The following MAPKAPK5 variants were observed in gnomAD, a reference collection of about 807,000 sequenced individuals.
The protein encoded by MAPKAPK5 is MAP kinase-activated protein kinase 5.
In MAPKAPK5, 30 loss-of-function variants were observed where a neutral mutation model predicts 65.1. The ratio of observed to expected loss-of-function variants is 0.46; its 90% CI spans 0.34 to 0.63. MAPKAPK5 has a LOEUF of 0.63. Ranked by LOEUF, MAPKAPK5 falls within the 20% of genes least tolerant of loss-of-function variation. MAPKAPK5 has a pLI of 0.01. For synonymous variants in MAPKAPK5, 179 were observed against 204.6 expected, an observed-to-expected ratio of 0.87 and a Z score of 1.07; for missense variants, 433 against 581.4, an observed-to-expected ratio of 0.74 and a Z score of 2.63.
intron 10 of MAPKAPK5, 94 bp from the exon 11 acceptor site, chr12:111,888,394 T>G (rs1446494840): frequency 1.3e-6 from 2 of 1,506,622 alleles, no homozygotes; most frequent in Non-Finnish European, 1.8e-6. Flanking sequence ...ATTACCTTCT[T>G]AGTACTTTGA....
In MAPKAPK5 at chr12:111,901,651, G is replaced by C. The variant is rs1466232324; in HGVS notation, c.*8590G>C. The stretch of plus-strand genomic sequence containing the variant: ...CCACAGAAGAAAAAGAAGAGAAGGA[G>C]GAAGAAAAAGAAGAGGAGGAGGAGG... On this transcript the variant is annotated 3_prime_UTR_variant, in exon 14 of 14. Transcript: ENST00000550735. The C allele has an allele frequency of 8.5e-6, 2 of 235,708 alleles. No individual in the cohort carries two copies. The highest frequency in any genetic ancestry group is 4.7e-5 in the African/African-American group (2 of 42,682). 14.6% of individuals were successfully genotyped at this position (235,708 alleles called of 1,614,324 possible). A position where few individuals can be genotyped will look rare whatever the true frequency, so the allele number is the denominator to read the frequency against.
chr12:111,886,648 C>T (rs746884401), intron 10 of MAPKAPK5, among the ~76,000 whole-genome samples: 8 of 152,196 alleles, frequency 5.3e-5, no homozygotes, highest in Admixed American at 6.5e-5. Flanking sequence ...AATACATCAT[C>T]GGGAAAAATA....
chr12:111,901,132 A>ATG lies in MAPKAPK5; in HGVS notation c.*8072_*8073dup, dbSNP rs1415977049. 3 of 456,108 alleles carry ATG rather than the reference A, an allele frequency of 6.6e-6. No individual in the cohort carries two copies. The Admixed American group carries it at 7.0e-5, about 11-fold the overall frequency. The allele number at this position is 456,108 out of a possible 1,614,324, so 28.3% of individuals were successfully genotyped here. ...GGAGATGGCTCATGTTGGAGCATGG[A>ATG]TGCCTATATGAGTACTGACATTCCT... On this transcript the variant is annotated 3_prime_UTR_variant, in exon 14 of 14. Transcript: ENST00000550735.
chr12:111,859,980 G>C, intron 1 of MAPKAPK5, among the ~76,000 whole-genome samples: 1 of 152,326 alleles, frequency 6.6e-6, no homozygotes, highest in South Asian at 2.1e-4. Flanking sequence ...TGAGGCAGGA[G>C]AATTGCTTAA....
At chr12:111,860,623 G>C (rs1231393771) in intron 1 of MAPKAPK5, among the ~76,000 whole-genome samples, 1 of 152,114 alleles carries the variant, frequency 6.6e-6, no homozygotes, top group Non-Finnish European at 1.5e-5. Context: ...ATTGTCACCA[G>C]CTGACTATGC....
chr12:111,843,077 A>G, intron 1 of MAPKAPK5: 1 of 398,582 alleles, frequency 2.5e-6, no homozygotes, highest in Non-Finnish European at 4.4e-6. Context: ...TACTACTACT[A>G]CTACACGTTT....
At position 111,843,364 on chromosome 12, in the gene MAPKAPK5, A is replaced by C. The variant is rs1336760220; in HGVS notation, c.36+595A>C. 3 of 398,432 alleles carry C rather than the reference A, an allele frequency of 7.5e-6. No homozygotes were observed. In the East Asian group the frequency reaches 1.1e-4, roughly 14 times the overall value. 24.7% of individuals were successfully genotyped at this position (398,432 alleles called of 1,614,324 possible). Reference sequence around the variant, plus strand: ...AGTTCCTGTGACTTAACTGCACTTAAACCAAAAGAAAAGCAAATGTGTGTT... The same window carrying C: ...AGTTCCTGTGACTTAACTGCACTTACACCAAAAGAAAAGCAAATGTGTGTT... On this transcript the variant is annotated intron_variant, in intron 1 of 13. Coordinates refer to ENST00000550735, the MANE Select transcript of MAPKAPK5 (RefSeq NM_003668.4).
At chr12:111,863,073 C>G (rs999073302) in intron 1 of MAPKAPK5, among the ~76,000 whole-genome samples, 3 of 152,086 alleles carry the variant, frequency 2.0e-5, no homozygotes, top group African/African-American at 7.2e-5. Flanking sequence ...TGTTCCTAAT[C>G]TTTATGCTGG....
In MAPKAPK5 at chr12:111,880,421, G is replaced by C. The variant is rs564353819; in HGVS notation, c.580-26G>C. On this transcript the variant is annotated intron_variant, in intron 7 of 13. Transcript: ENST00000550735. The stretch of plus-strand genomic sequence containing the variant: ...TCGGTGGTGTGATTTTCATTAAATG[G>C]TCCCCTTTGGTCTGACTCTTGACAG... 70 of 1,592,774 alleles carry C rather than the reference G, an allele frequency of 4.4e-5. No homozygotes were observed. In the South Asian group the frequency reaches 7.7e-4, roughly 18 times the overall value.
chr12:111,888,421 T>C (rs1159377068), intron 10 of MAPKAPK5, 67 bp from the exon 11 acceptor site: 2 of 1,589,386 alleles, frequency 1.3e-6, no homozygotes, highest in Admixed American at 1.8e-5. Context: ...CCTTTCCACT[T>C]TCTTAGACTG....
chr12:111,866,784 T>A (rs1432819555), intron 3 of MAPKAPK5, among the ~76,000 whole-genome samples: 1 of 152,220 alleles, frequency 6.6e-6, no homozygotes, highest in Non-Finnish European at 1.5e-5. Context: ...GTATTTTTAG[T>A]AGAGACAGGG....
At chr12:111,850,046 A>G (rs1234781582) in intron 1 of MAPKAPK5, among the ~76,000 whole-genome samples, 1 of 144,728 alleles carries the variant, frequency 6.9e-6, no homozygotes, top group Non-Finnish European at 1.5e-5. Context: ...TTTTTTTTTC[A>G]TAGATGGAGA....
intron 7 of MAPKAPK5, among the ~76,000 whole-genome samples, chr12:111,877,998 G>A (rs2070050504): frequency 6.8e-6 from 1 of 146,382 alleles, no homozygotes; most frequent in Non-Finnish European, 1.5e-5. Flanking sequence ...AGCTGACTCT[G>A]ACTCTTTTTT....
rs537843576 is a variant in MAPKAPK5 at position 111,900,041 on chromosome 12, G to A, written c.*6980G>A. Reference sequence around the variant, plus strand: ...TCAATGAGACGGTCCAGACAGTAGTGGATGTCATTGCTCTGGCCAACAGCT... The same window carrying A: ...TCAATGAGACGGTCCAGACAGTAGTAGATGTCATTGCTCTGGCCAACAGCT... On this transcript the variant is annotated 3_prime_UTR_variant, in exon 14 of 14. Coordinates refer to ENST00000550735, the MANE Select transcript of MAPKAPK5 (RefSeq NM_003668.4). The A allele has an allele frequency of 2.2e-6, 1 of 456,028 alleles. No homozygotes were observed. Among genetic ancestry groups the A allele is most frequent in the South Asian group, 1.5e-5 (1 of 64,564 alleles). 28.2% of individuals were successfully genotyped at this position (456,028 alleles called of 1,614,324 possible).
intron 1 of MAPKAPK5, among the ~76,000 whole-genome samples, chr12:111,851,522 C>T (rs917591417): frequency 6.6e-6 from 1 of 152,014 alleles, no homozygotes; most frequent in Admixed American, 6.6e-5. Context: ...GATGAGGTTT[C>T]ACCATTTTGC....
chr12:111,843,524 TA>T (rs1423373855), intron 1 of MAPKAPK5: 6 of 357,334 alleles, frequency 1.7e-5, no homozygotes, highest in African/African-American at 1.3e-4. Context: ...TTATGAAAAT[TA>T]AACATTGACG....
intron 1 of MAPKAPK5, among the ~76,000 whole-genome samples, chr12:111,859,746 T>C (rs1213618571): frequency 6.6e-6 from 1 of 151,622 alleles, no homozygotes; most frequent in Admixed American, 6.6e-5. Context: ...GCCTCCCTGG[T>C]TCAAGCGATT....
chr12:111,842,926 G>A, intron 1 of MAPKAPK5, 157 bp downstream of exon 1: 2 of 619,840 alleles, frequency 3.2e-6, no homozygotes, highest in Non-Finnish European at 4.8e-6. Flanking sequence ...CAGCCCTGGG[G>A]CCAAGGGTTA....
chr12:111,846,557 G>A (rs1403899673), intron 1 of MAPKAPK5, among the ~76,000 whole-genome samples: 6 of 149,846 alleles, frequency 4.0e-5, no homozygotes, highest in East Asian at 3.9e-4. Context: ...GTGCAGTGGC[G>A]TGATCTTGGC....
Sources: allele counts gnomAD v4.1 joint callset (sites outside exome capture counted in the v4.1 genomes callset), GRCh38; gene constraint gnomAD v4.1.1; transcripts MANE v1.5; gene names NCBI Gene and HGNC (gene_info 2026-07-23, HGNC 2026-07-21).